SLC5A11: variants seen among roughly 807,000 people sequenced by gnomAD.
The protein encoded by SLC5A11 is sodium/myo-inositol cotransporter 2.
A neutral mutation model predicts 69.8 loss-of-function variants in SLC5A11; 48 were observed. The observed-to-expected ratio is 0.69, with a 90% CI of 0.55 to 0.87. SLC5A11 has a LOEUF of 0.87. Among genes scored for constraint, SLC5A11 ranks in the 40% least tolerant of loss-of-function variants. The probability of loss-of-function intolerance (pLI) is 0.00; values close to 1 mark genes in which losing one functional copy is unlikely to be tolerated. For missense variants in SLC5A11, 784 were observed against 866.1 expected (o/e 0.91, Z 1.19); for synonymous variants, 319 against 342.4 (o/e 0.93, Z 0.75).
At chr16:24,865,564 G>T (rs1020664269) in intron 3 of SLC5A11, among the ~76,000 whole-genome samples, 8 of 152,020 alleles carry the variant, frequency 5.3e-5, no homozygotes, top group African/African-American at 1.4e-4. Flanking sequence ...CTCAAAAAAA[G>T]AAAAGTCTTC....
chr16:24,888,233 T>TA (rs1011200870), intron 8 of SLC5A11, among the ~76,000 whole-genome samples: 10 of 152,268 alleles, frequency 6.6e-5, no homozygotes, highest in African/African-American at 2.2e-4. Context: ...TGTAAATTTT[T>TA]AAAAAATCTA....
intron 7 of SLC5A11, among the ~76,000 whole-genome samples, chr16:24,879,158 T>C (rs760739583): frequency 1.3e-5 from 2 of 151,926 alleles, no homozygotes; most frequent in Non-Finnish European, 1.5e-5. Flanking sequence ...TTTTTTTACA[T>C]AGAATATTCA....
At chr16:24,896,934 C>T (rs1381974457) in intron 9 of SLC5A11, among the ~76,000 whole-genome samples, 2 of 147,130 alleles carry the variant, frequency 1.4e-5, no homozygotes, top group African/African-American at 2.5e-5. Context: ...AGTTAGACAA[C>T]CTCCTTCCTT....
chr16:24,849,593 A>AAAAAAAAAAATATATATATAT, intron 1 of SLC5A11, among the ~76,000 whole-genome samples: 3 of 35,902 alleles, frequency 8.4e-5, no homozygotes, highest in Non-Finnish European at 1.1e-4. Flanking sequence ...AAAAAAAAAA[A>AAAAAAAAAAATATATATATAT]ATATATATAT....
intron 13 of SLC5A11, 102 bp from the exon 15 acceptor site, chr16:24,908,779 A>C: frequency 9.7e-7 from 1 of 1,035,810 alleles, no homozygotes; most frequent in Non-Finnish European, 1.4e-6. Flanking sequence ...CCGTGCTTGC[A>C]GTGACCACCA....
intron 1 of SLC5A11, among the ~76,000 whole-genome samples, chr16:24,849,691 A>G (rs150087161): frequency 5.6e-5 from 8 of 142,386 alleles, no homozygotes; most frequent in Non-Finnish European, 9.0e-5. Context: ...TGTGATGTCT[A>G]TTCTCTCTGG....
chr16:24,878,486 T>C (rs946344918), intron 7 of SLC5A11, among the ~76,000 whole-genome samples: 1 of 152,232 alleles, frequency 6.6e-6, no homozygotes, highest in African/African-American at 2.4e-5. Context: ...ACTCATTCCA[T>C]ATATATGTGT....
chr16:24,898,136 C>A (rs2049315364), intron 10 of SLC5A11, 27 bp downstream of exon 11: 1 of 1,610,908 alleles, frequency 6.2e-7, no homozygotes, highest in Non-Finnish European at 8.5e-7. Context: ...GGGAAGAGGT[C>A]ATTGGTATGT....
chr16:24,905,638 G>A (rs928126890), intron 10 of SLC5A11, among the ~76,000 whole-genome samples: 12 of 70,228 alleles, frequency 1.7e-4, no homozygotes, highest in South Asian at 4.3e-4. Context: ...ACGCGCGCGC[G>A]CGCACACACA....
At chr16:24,899,607 T>A (rs1482223143) in intron 10 of SLC5A11, among the ~76,000 whole-genome samples, 3 of 152,140 alleles carry the variant, frequency 2.0e-5, no homozygotes, top group African/African-American at 4.8e-5. Flanking sequence ...TTTCACCATG[T>A]TGGCCAGGAT....
chr16:24,867,803 T>G (rs1272799418), intron 3 of SLC5A11, among the ~76,000 whole-genome samples: 1 of 151,972 alleles, frequency 6.6e-6, no homozygotes, highest in Non-Finnish European at 1.5e-5. Context: ...GTACCAAAAC[T>G]GACTCAAGTA....
At chr16:24,894,662 A>G (rs537569659) in intron 9 of SLC5A11, among the ~76,000 whole-genome samples, 13 of 152,244 alleles carry the variant, frequency 8.5e-5, no homozygotes, top group Admixed American at 6.5e-4. Context: ...TTAATTGGGC[A>G]TGGTGGTGGG....
chr16:24,852,357 A>G (rs556906180), intron 1 of SLC5A11, among the ~76,000 whole-genome samples: 62 of 152,322 alleles, frequency 4.1e-4, no homozygotes, highest in African/African-American at 1.5e-3. Flanking sequence ...AAATTTTCAC[A>G]TCTACCATAG....
chr16:24,868,724 C>T (rs1006176730), intron 3 of SLC5A11, among the ~76,000 whole-genome samples: 1 of 152,002 alleles, frequency 6.6e-6, no homozygotes, highest in Non-Finnish European at 1.5e-5. Context: ...TGATAAGAAG[C>T]AGAGACAGGA....
At chr16:24,879,553 A>G (rs1043688636) in intron 7 of SLC5A11, among the ~76,000 whole-genome samples, 3 of 152,216 alleles carry the variant, frequency 2.0e-5, no homozygotes, top group Admixed American at 6.5e-5. Flanking sequence ...CCTGGCCAAC[A>G]TGGTGAAACC....
chr16:24,900,609 T>C (rs2049510218), intron 10 of SLC5A11, among the ~76,000 whole-genome samples: 1 of 152,058 alleles, frequency 6.6e-6, no homozygotes, highest in Non-Finnish European at 1.5e-5. Context: ...AGTCTTGACA[T>C]AGGAACACAG....
intron 15 of SLC5A11, 69 bp downstream of exon 16, chr16:24,910,546 T>TC: frequency 1.4e-6 from 2 of 1,452,876 alleles, no homozygotes; most frequent in South Asian, 1.4e-5. Context: ...TTTTTTTTTT[T>TC]CCTATCAAAT....
At chr16:24,865,254 A>G (rs2152279838) in intron 3 of SLC5A11, among the ~76,000 whole-genome samples, 1 of 152,330 alleles carries the variant, frequency 6.6e-6, no homozygotes, top group African/African-American at 2.4e-5. Flanking sequence ...AGAGAGGAAC[A>G]ATCCATTACA....
intron 7 of SLC5A11, 33 bp from the exon 9 acceptor site, chr16:24,884,018 C>G (rs367939841): frequency 6.2e-7 from 1 of 1,607,932 alleles, no homozygotes; most frequent in Non-Finnish European, 8.5e-7. Context: ...TCGTTAGACT[C>G]CCTGACCCTC....
Sources: allele counts gnomAD v4.1 joint callset (sites outside exome capture counted in the v4.1 genomes callset), GRCh38; gene constraint gnomAD v4.1.1; transcripts MANE v1.5; gene names NCBI Gene and HGNC (gene_info 2026-07-23, HGNC 2026-07-21).